The following AGTPBP1 variants were observed in gnomAD, a reference collection of about 807,000 sequenced individuals.
AGTPBP1 encodes the protein ATP/GTP binding carboxypeptidase 1.
A neutral mutation model predicts 143.9 loss-of-function variants in AGTPBP1; 70 were observed. The ratio of observed to expected loss-of-function variants is 0.49; its 90% CI spans 0.40 to 0.59. The LOEUF (loss-of-function observed/expected upper bound fraction) is 0.59. Among genes scored for constraint, AGTPBP1 ranks in the 20% least tolerant of loss-of-function variants. The pLI is 0.00. For missense variants in AGTPBP1, 1,229 were observed against 1,464.5 expected, an observed-to-expected ratio of 0.84 and a Z score of 2.62; for synonymous variants, 463 against 500.2, an observed-to-expected ratio of 0.93 and a Z score of 0.99.
chr9:85,793,951 A>AT, the AGTPBP1 span, among the ~76,000 whole-genome samples: 1 of 152,098 alleles, frequency 6.6e-6, no homozygotes, highest in East Asian at 1.9e-4. Context: ...ATTTATAGGC[A>AT]TTTTCCTGCT....
chr9:85,588,529 G>C (rs749790931), intron 20 of AGTPBP1, 51 bp from the exon 21 acceptor site: 2 of 1,566,478 alleles, frequency 1.3e-6, no homozygotes, highest in African/African-American at 2.8e-5. Flanking sequence ...CTAAAAGTTT[G>C]TATATTTTAC....
chr9:85,547,253 A>G lies in AGTPBP1; in HGVS notation c.3537T>C (p.Pro1179=). The G allele has an allele frequency of 6.2e-7, 1 of 1,612,866 alleles. No homozygotes were observed. The highest frequency in any genetic ancestry group is 8.5e-7 in the Non-Finnish European group (1 of 1,179,638). Residue 1179 remains proline, a synonymous_variant, in exon 26 of 26, where the codon CCT becomes CCC. Transcript: ENST00000357081. ...PTTYVLDEDE[P]RFLEEVDYSA... Reference sequence around the variant, plus strand: ...TGTAATCAACTTCTTCAAGGAATCGAGGTTCATCTTCATCCAAGACATAAG... The same window carrying G: ...TGTAATCAACTTCTTCAAGGAATCGGGGTTCATCTTCATCCAAGACATAAG...
chr9:85,571,656 G>A (rs1420320885), intron 25 of AGTPBP1, among the ~76,000 whole-genome samples: 1 of 152,148 alleles, frequency 6.6e-6, no homozygotes, highest in Admixed American at 6.5e-5. Flanking sequence ...AATGATCAAA[G>A]GGAATATTTT....
intron 2 of AGTPBP1, among the ~76,000 whole-genome samples, chr9:85,710,521 C>G (rs1837296758): frequency 6.6e-6 from 1 of 152,056 alleles, no homozygotes; most frequent in African/African-American, 2.4e-5. Flanking sequence ...TCTCAATATG[C>G]CATACTATAG....
At chr9:85,793,358 C>T in the AGTPBP1 span, 1 of 152,094 alleles carries the variant, frequency 6.6e-6, no homozygotes, top group African/African-American at 2.4e-5. Flanking sequence ...AGAAATCAGT[C>T]CTCATTTAGC....
At chr9:85,605,165 C>T (rs1445798935) in intron 17 of AGTPBP1, among the ~76,000 whole-genome samples, 1 of 152,168 alleles carries the variant, frequency 6.6e-6, no homozygotes, top group East Asian at 1.9e-4. Context: ...AGATTTAACC[C>T]CAAGACTACT....
At chr9:85,565,646 C>T (rs555792024) in intron 25 of AGTPBP1, among the ~76,000 whole-genome samples, 1 of 152,298 alleles carries the variant, frequency 6.6e-6, no homozygotes, top group African/African-American at 2.4e-5. Context: ...TTTTCACTTA[C>T]ACTTGGAAAT....
chr9:85,607,645 C>A (rs1222975757), intron 17 of AGTPBP1, among the ~76,000 whole-genome samples: 3 of 152,062 alleles, frequency 2.0e-5, no homozygotes, highest in Non-Finnish European at 4.4e-5. Flanking sequence ...ATGGCACTAG[C>A]CCCTAATAAT....
At chr9:85,693,365 C>T (rs1836007853) in intron 2 of AGTPBP1, among the ~76,000 whole-genome samples, 1 of 152,184 alleles carries the variant, frequency 6.6e-6, no homozygotes, top group Non-Finnish European at 1.5e-5. Flanking sequence ...CTTTGGGAGG[C>T]CAAGACTGGT....
chr9:85,706,287 G>A (rs915227955), intron 2 of AGTPBP1, among the ~76,000 whole-genome samples: 23 of 150,082 alleles, frequency 1.5e-4, no homozygotes, highest in Non-Finnish European at 7.4e-5. Context: ...CAAGGTGGGT[G>A]GATCACAAGG....
At chr9:85,681,363 C>T (rs775211306) in intron 3 of AGTPBP1, 28 bp from the exon 4 acceptor site, 15 of 1,598,568 alleles carry the variant, frequency 9.4e-6, no homozygotes, top group Non-Finnish European at 1.3e-5. Context: ...ATTTTTTTCT[C>T]AAACATAAAT....
chr9:85,762,190 A>C, the AGTPBP1 span, among the ~76,000 whole-genome samples: 6 of 152,272 alleles, frequency 3.9e-5, no homozygotes, highest in African/African-American at 1.4e-4. Flanking sequence ...AAACTAGTTC[A>C]ACCATTGTGG....
intron 4 of AGTPBP1, 47 bp downstream of exon 4, chr9:85,681,221 T>C (rs756730928): frequency 3.2e-6 from 5 of 1,551,884 alleles, no homozygotes; most frequent in South Asian, 1.1e-5. Context: ...TTCTTCAGTA[T>C]TGCTTGGCAT....
intron 25 of AGTPBP1, among the ~76,000 whole-genome samples, chr9:85,551,535 G>A (rs1409369607): frequency 1.3e-5 from 2 of 152,104 alleles, no homozygotes; most frequent in African/African-American, 4.8e-5. Context: ...GATCTCTCCT[G>A]TCAGTTTCCA....
At chr9:85,561,181 G>C (rs180705674) in intron 25 of AGTPBP1, among the ~76,000 whole-genome samples, 3 of 152,122 alleles carry the variant, frequency 2.0e-5, no homozygotes, top group Admixed American at 6.6e-5. Context: ...GGCTAATATG[G>C]TGAAACCCCG....
intron 14 of AGTPBP1, among the ~76,000 whole-genome samples, chr9:85,621,750 T>G (rs1167610244): frequency 6.6e-6 from 1 of 152,176 alleles, no homozygotes; most frequent in Non-Finnish European, 1.5e-5. Context: ...TGCATGTTCG[T>G]AGAATCTCTC....
Position 85,692,698 on chromosome 9 carries a change from G to A in AGTPBP1, c.148C>T (p.Gln50Ter), listed in dbSNP as rs1835959824. The change falls in exon 3 of 26, where the codon CAG (glutamine) becomes TAG (stop). Residue 50 changes from glutamine to a stop codon, truncating the protein, a stop_gained. Coordinates refer to ENST00000357081, the MANE Select transcript of AGTPBP1 (RefSeq NM_001330701.2). LOFTEE classifies it high-confidence loss of function. ...YVTSKILHLA[Q>*]SQEKTRREMT... ...AGAGATCAATGTTTACCTTGACTCT[G>A]AGCCAGATGAAGAATTTTTGATGTA... 6.2e-7 allele frequency: 1 copy of A among 1,613,686 alleles called. No individual in the cohort carries two copies. The highest frequency in any genetic ancestry group is 1.7e-5 in the Admixed American group (1 of 59,960).
intron 25 of AGTPBP1, among the ~76,000 whole-genome samples, chr9:85,565,166 T>C (rs540195889): frequency 2.6e-5 from 4 of 152,244 alleles, no homozygotes; most frequent in Non-Finnish European, 5.9e-5. Flanking sequence ...TGTCAATGAG[T>C]TACTACTTAT....
chr9:85,574,150 C>A (rs369356267), intron 25 of AGTPBP1, among the ~76,000 whole-genome samples: 1 of 152,064 alleles, frequency 6.6e-6, no homozygotes, highest in East Asian at 1.9e-4. Context: ...GCCTTGGGAT[C>A]CTGTTGATCT....
Sources: gnomAD v4.1 joint callset for allele counts (sites outside exome capture counted in the v4.1 genomes callset) on GRCh38, gnomAD v4.1.1 for gene constraint, MANE v1.5 for transcripts, NCBI Gene and HGNC (gene_info 2026-07-23, HGNC 2026-07-21) for gene names.